PIK3C2G: variants seen among roughly 807,000 people sequenced by gnomAD.
PIK3C2G encodes phosphatidylinositol 3-kinase C2 domain-containing subunit gamma.
In PIK3C2G, 168 loss-of-function variants were observed where a neutral mutation model predicts 181.1. The observed-to-expected ratio is 0.93, with a 90% confidence interval of 0.82 to 1.05. The LOEUF (loss-of-function observed/expected upper bound fraction) is 1.05, where lower values mean the gene tolerates loss of function less well. Ranked by LOEUF, PIK3C2G falls within the 50% of genes least tolerant of loss-of-function variation. The pLI, the probability that PIK3C2G is intolerant of heterozygous loss-of-function variation, is 0.00. For missense variants in PIK3C2G, 1,869 were observed against 1,732.8 expected (o/e 1.08, Z -1.40); for synonymous variants, 573 against 592.2 (o/e 0.97, Z 0.47).
rs1250075856 is a variant in PIK3C2G at position 18,287,018 on chromosome 12, T to C, written c.761+89T>C. 5 of 526,400 alleles carry C rather than the reference T, an allele frequency of 9.5e-6. No individual in the cohort carries two copies. The East Asian group carries it at 1.4e-4, about 15-fold the overall frequency. 32.6% of individuals were successfully genotyped at this position (526,400 alleles called of 1,614,324 possible). On this transcript the variant is annotated intron_variant, in intron 3 of 32. Transcript: ENST00000538779. The stretch of plus-strand genomic sequence containing the variant: ...CATCACTGAACTGATTAATTTTGCA[T>C]ATAAAAGTCAAAGTCATGTAATTTC...
chr12:18,673,520 G>A, the PIK3C2G span, among the ~76,000 whole-genome samples: 1 of 152,064 alleles, frequency 6.6e-6, no homozygotes. Context: ...GAGAAGCCTT[G>A]GATATCTGCA....
intron 16 of PIK3C2G, among the ~76,000 whole-genome samples, chr12:18,402,199 G>T (rs1565681727): frequency 4.6e-5 from 7 of 152,170 alleles, no homozygotes; most frequent in Middle Eastern, 6.8e-3. Context: ...ATAATAAAAA[G>T]GAATGAATAC....
At chr12:18,386,184 A>G (rs1943157630) in intron 14 of PIK3C2G, among the ~76,000 whole-genome samples, 1 of 152,116 alleles carries the variant, frequency 6.6e-6, no homozygotes, top group Admixed American at 6.5e-5. Flanking sequence ...CTCACCAAAG[A>G]CAATTCTCAA....
intron 13 of PIK3C2G, among the ~76,000 whole-genome samples, chr12:18,377,317 G>A (rs1942519366): frequency 6.6e-6 from 1 of 152,108 alleles, no homozygotes; most frequent in Non-Finnish European, 1.5e-5. Context: ...TCTAGTCAAT[G>A]AATTTATACG....
At chr12:18,637,192 C>T (rs1308745905) in intron 31 of PIK3C2G, among the ~76,000 whole-genome samples, 1 of 152,086 alleles carries the variant, frequency 6.6e-6, no homozygotes, top group Non-Finnish European at 1.5e-5. Flanking sequence ...GCACAGTTTT[C>T]CTCGTAAAAA....
chr12:18,725,678 C>G, the PIK3C2G span, among the ~76,000 whole-genome samples: 2 of 152,138 alleles, frequency 1.3e-5, no homozygotes, highest in Non-Finnish European at 2.9e-5. Context: ...CTGCTCTTAT[C>G]TTTTTCCTCC....
At chr12:18,254,207 C>G (rs913437540) in intron 1 of PIK3C2G, among the ~76,000 whole-genome samples, 3 of 152,112 alleles carry the variant, frequency 2.0e-5, no homozygotes, top group African/African-American at 4.8e-5. Context: ...ACTTTACACT[C>G]ACTTAATGAT....
At chr12:18,418,324 AAGGG>A (rs1360098654) in intron 16 of PIK3C2G, among the ~76,000 whole-genome samples, 6 of 152,126 alleles carry the variant, frequency 3.9e-5, no homozygotes, top group Non-Finnish European at 8.8e-5. Flanking sequence ...TTAAAGAACT[AAGGG>A]AGGGTTTTCC....
intron 26 of PIK3C2G, among the ~76,000 whole-genome samples, chr12:18,549,621 C>T (rs913557498): frequency 2.0e-5 from 3 of 152,016 alleles, no homozygotes; most frequent in African/African-American, 7.2e-5. Flanking sequence ...CTTTGTAATT[C>T]AGACCACAGT....
chr12:18,654,460 A>G, the PIK3C2G span, among the ~76,000 whole-genome samples: 1 of 152,184 alleles, frequency 6.6e-6, no homozygotes, highest in African/African-American at 2.4e-5. Flanking sequence ...CAAAACTGGA[A>G]TAGATCTTTC....
chr12:18,420,850 G>A, intron 16 of PIK3C2G, 91 bp from the exon 17 acceptor site: 1 of 703,208 alleles, frequency 1.4e-6, no homozygotes, highest in Non-Finnish European at 2.6e-6. Context: ...TTATGCACTG[G>A]GGGTAGAATT....
chr12:18,515,749 A>G (rs1019783066), intron 24 of PIK3C2G, among the ~76,000 whole-genome samples: 1 of 151,764 alleles, frequency 6.6e-6, no homozygotes, highest in Non-Finnish European at 1.5e-5. Context: ...TCCTTCCACT[A>G]ATTTGGGGCT....
chr12:18,303,152 C>CT (rs1323074371), intron 5 of PIK3C2G, among the ~76,000 whole-genome samples: 39 of 72,684 alleles, frequency 5.4e-4, no homozygotes, highest in East Asian at 3.6e-3. Flanking sequence ...TCTTTTCTTT[C>CT]TTCTTTCTCT....
rs12315383 is a variant in PIK3C2G, at chr12:18,350,118, A to G, written c.1625+3282A>G. Reference sequence around the variant, plus strand: ...GCCAAGAAAATATTACAATAGAGGTACAAAGCTAAGTGCCTGAGGTCAAGA... The same window carrying G: ...GCCAAGAAAATATTACAATAGAGGTGCAAAGCTAAGTGCCTGAGGTCAAGA... On this transcript the variant is annotated intron_variant, in intron 11 of 32. Transcript: ENST00000538779. 3.9e-3 allele frequency among the ~76,000 whole-genome samples: 599 copies of G among 152,318 alleles called. 1 individual carries two copies. Among genetic ancestry groups the G allele is most frequent in the African/African-American group, 0.014 (563 of 41,576 alleles).
the PIK3C2G span, chr12:18,712,738 G>A: frequency 5.8e-6 from 8 of 1,378,994 alleles, no homozygotes; most frequent in African/African-American, 1.0e-4. Context: ...CCCACAATTT[G>A]AAATATCATC....
chr12:18,549,577 C>T (rs1216348333), intron 26 of PIK3C2G, among the ~76,000 whole-genome samples: 1 of 151,996 alleles, frequency 6.6e-6, no homozygotes, highest in Admixed American at 6.6e-5. Context: ...CTCAAAATCA[C>T]CTCTTCCATA....
chr12:18,713,117 A>T, the PIK3C2G span: 1 of 1,262,444 alleles, frequency 7.9e-7, no homozygotes. Flanking sequence ...CTCTATAAAA[A>T]CTTGTCTTTG....
At chr12:18,609,895 T>C (rs1349037208) in intron 31 of PIK3C2G, among the ~76,000 whole-genome samples, 3 of 151,992 alleles carry the variant, frequency 2.0e-5, no homozygotes, top group Non-Finnish European at 4.4e-5. Flanking sequence ...GAAAAGGCTC[T>C]GAAAAAGCAG....
chr12:18,394,981 TTCTTTCTTTCTTTTCTTTC>T, intron 15 of PIK3C2G, among the ~76,000 whole-genome samples: 1 of 151,674 alleles, frequency 6.6e-6, no homozygotes, highest in Admixed American at 6.6e-5. Flanking sequence ...TACTCTCCCT[TTCTTTCTTTCTTTTCTTTC>T]TCTTTCTTTC....
Sources: gnomAD v4.1 joint callset for allele counts (sites outside exome capture counted in the v4.1 genomes callset) on GRCh38, gnomAD v4.1.1 for gene constraint, MANE v1.5 for transcripts, NCBI Gene and HGNC (gene_info 2026-07-23, HGNC 2026-07-21) for gene names.